XDH: variants seen among roughly 807,000 people sequenced by gnomAD.
XDH encodes xanthine dehydrogenase/oxidase.
XDH carries 138 observed loss-of-function variants against 156.1 expected under a neutral mutation model. That is an observed-to-expected ratio of 0.88 (90% CI 0.77 to 1.02). The LOEUF (loss-of-function observed/expected upper bound fraction) is 1.02. XDH is among the 50% of genes least tolerant of loss of function. The probability of loss-of-function intolerance (pLI) is 0.00; values close to 1 mark genes in which losing one functional copy is unlikely to be tolerated. For synonymous variants in XDH, 669 were observed against 625.7 expected (o/e 1.07, Z -1.03); for missense variants, 1,849 against 1,684.9 (o/e 1.10, Z -1.71).
chr2:31,342,583 G>C (rs1023479552), intron 31 of XDH, among the ~76,000 whole-genome samples: 1 of 152,168 alleles, frequency 6.6e-6, no homozygotes, highest in Non-Finnish European at 1.5e-5. Flanking sequence ...ACAGTAGAAA[G>C]AGAGGTAACA....
chr2:31,356,956 A>C (rs1312805627), intron 24 of XDH, among the ~76,000 whole-genome samples: 1 of 152,188 alleles, frequency 6.6e-6, no homozygotes, highest in Non-Finnish European at 1.5e-5. Flanking sequence ...ATATCTATAA[A>C]CACCTGAAAA....
chr2:31,392,995 T>C (rs564978292), intron 6 of XDH, among the ~76,000 whole-genome samples: 1 of 152,234 alleles, frequency 6.6e-6, no homozygotes, highest in Non-Finnish European at 1.5e-5. Context: ...AAAGCAGACA[T>C]TGTATGATCT....
chr2:31,357,786 G>C (rs1685665308), intron 24 of XDH, among the ~76,000 whole-genome samples: 1 of 151,864 alleles, frequency 6.6e-6, no homozygotes, highest in Non-Finnish European at 1.5e-5. Context: ...TGTTTATCCT[G>C]ATACACTGTA....
rs764012248 is a variant in XDH, at chr2:31,386,574, T to C, written c.652-19A>G. ...TCAGCCTCTGGGAAATGCAGTTTTC[T>C]TACTACACTGTCTCCCTCTTCCTAC... On this transcript the variant is annotated intron_variant, in intron 8 of 35. Transcript: ENST00000379416. The C allele has an allele frequency of 3.7e-6, 6 of 1,614,024 alleles. No individual in the cohort carries two copies. Among genetic ancestry groups the C allele is most frequent in the Non-Finnish European group, 5.1e-6 (6 of 1,180,044 alleles).
In XDH at chr2:31,402,950, C is replaced by T. The variant is rs564757063; in HGVS notation, c.197+98G>A. 6.2e-5 allele frequency: 80 copies of T among 1,300,248 alleles called. 1 individual carries two copies. Among genetic ancestry groups the T allele is most frequent in the South Asian group, 4.7e-4 (40 of 84,238 alleles). 80.5% of individuals were successfully genotyped at this position (1,300,248 alleles called of 1,614,324 possible). On this transcript the variant is annotated intron_variant, in intron 3 of 35. Coordinates refer to ENST00000379416, the MANE Select transcript of XDH (RefSeq NM_000379.4). ...CCATAAAAACAGGGGCTCACACATG[C>T]GCACATGCACATACACACATACACT...
At position 31,380,059 on chromosome 2, in the gene XDH, G is replaced by A. The variant is rs180915415; in HGVS notation, c.1133-83C>T. ...TGGGGAGAAAGGATAACCATCAGTGGGATTCTTCATGCTGGTCTCCAATGC... is the reference window on the plus strand; with the variant it reads ...TGGGGAGAAAGGATAACCATCAGTGAGATTCTTCATGCTGGTCTCCAATGC... On this transcript the variant is annotated intron_variant, in intron 12 of 35. Transcript: ENST00000379416. The A allele has an allele frequency of 5.7e-5, 77 of 1,351,170 alleles. No individual in the cohort carries two copies. In the East Asian group the frequency reaches 6.2e-4, roughly 11 times the overall value. 83.7% of individuals were successfully genotyped at this position (1,351,170 alleles called of 1,614,324 possible).
intron 15 of XDH, among the ~76,000 whole-genome samples, chr2:31,374,843 A>G (rs569598963): frequency 6.6e-6 from 1 of 151,726 alleles, no homozygotes; most frequent in African/African-American, 2.4e-5. Flanking sequence ...TTCTTGGTGA[A>G]CAAATCTCAG....
At chr2:31,369,012 T>G (rs1685999127) in intron 18 of XDH, among the ~76,000 whole-genome samples, 1 of 152,202 alleles carries the variant, frequency 6.6e-6, no homozygotes, top group African/African-American at 2.4e-5. Context: ...ACACCATTGG[T>G]CTTCCTATGG....
At chr2:31,368,958 G>T (rs1685997397) in intron 18 of XDH, among the ~76,000 whole-genome samples, 2 of 152,172 alleles carry the variant, frequency 1.3e-5, no homozygotes, top group Admixed American at 6.5e-5. Context: ...CAGAAAGGGG[G>T]ATATGGCACC....
intron 15 of XDH, among the ~76,000 whole-genome samples, chr2:31,374,797 C>T (rs1318621211): frequency 6.6e-6 from 1 of 152,062 alleles, no homozygotes; most frequent in East Asian, 1.9e-4. Flanking sequence ...CCCCTAGCAC[C>T]TCATGCAACC....
At chr2:31,338,663 T>C (rs80327583) in intron 34 of XDH, among the ~76,000 whole-genome samples, 3,054 of 150,580 alleles carry the variant, frequency 0.02, 93 homozygotes, top group African/African-American at 0.07. Context: ...TCATACTTAC[T>C]GCAGATAAGG....
intron 4 of XDH, 122 bp from the exon 5 acceptor site, chr2:31,398,821 A>G: frequency 6.7e-7 from 1 of 1,493,462 alleles, no homozygotes; most frequent in Non-Finnish European, 9.2e-7. Flanking sequence ...GCACAGAGTC[A>G]AGCCCCAGTG....
chr2:31,368,265 C>A (rs1025290019), intron 19 of XDH, among the ~76,000 whole-genome samples: 5 of 152,142 alleles, frequency 3.3e-5, no homozygotes, highest in African/African-American at 9.7e-5. Flanking sequence ...GTGGACAACC[C>A]TGGACCTTGA....
intron 6 of XDH, among the ~76,000 whole-genome samples, chr2:31,395,283 G>C (rs541941359): frequency 6.6e-6 from 1 of 152,138 alleles, no homozygotes; most frequent in East Asian, 1.9e-4. Context: ...TTCTCCGTTT[G>C]GTGGGACAGG....
chr2:31,345,640 G>GT (rs1307758960), intron 30 of XDH, among the ~76,000 whole-genome samples: 2 of 152,060 alleles, frequency 1.3e-5, no homozygotes, highest in African/African-American at 4.8e-5. Context: ...GAAAGACTTG[G>GT]TCCTAAAACC....
chr2:31,384,810 G>A (rs142392353), intron 9 of XDH, among the ~76,000 whole-genome samples: 90 of 152,210 alleles, frequency 5.9e-4, no homozygotes, highest in African/African-American at 2.0e-3. Context: ...TTGAATATCA[G>A]CTTCCAGGAC....
intron 14 of XDH, among the ~76,000 whole-genome samples, chr2:31,376,069 C>T (rs779703899): frequency 1.1e-4 from 16 of 152,046 alleles, no homozygotes; most frequent in Non-Finnish European, 2.1e-4. Flanking sequence ...GTGTTCGGTA[C>T]AATTTCTGTT....
At chr2:31,365,907 C>G (rs1685902531) in intron 22 of XDH, 69 bp downstream of exon 22, 15 of 1,611,388 alleles carry the variant, frequency 9.3e-6, no homozygotes, top group Admixed American at 1.7e-5. Flanking sequence ...GTCCTGAAAA[C>G]CTTCCTGGCA....
At chr2:31,361,899 T>C in intron 24 of XDH, among the ~76,000 whole-genome samples, 1 of 152,188 alleles carries the variant, frequency 6.6e-6, no homozygotes, top group Non-Finnish European at 1.5e-5. Context: ...ACGGTCTCTC[T>C]GATCTTTCAG....
Sources: gnomAD v4.1 joint callset for allele counts (sites outside exome capture counted in the v4.1 genomes callset) on GRCh38, gnomAD v4.1.1 for gene constraint, MANE v1.5 for transcripts, NCBI Gene and HGNC (gene_info 2026-07-23, HGNC 2026-07-21) for gene names.